The following GNAQ variants were observed in gnomAD, a reference collection of about 807,000 sequenced individuals.
GNAQ encodes the protein G protein subunit alpha q, also known as guanine nucleotide-binding protein G(q) subunit alpha.
In GNAQ, 8 loss-of-function variants were observed where a neutral mutation model predicts 43.9. The ratio of observed to expected loss-of-function variants is 0.18; its 90% CI spans 0.11 to 0.33. The LOEUF is 0.33. Among genes scored for constraint, GNAQ ranks in the 10% least tolerant of loss-of-function variants. The pLI, the probability that GNAQ is intolerant of heterozygous loss-of-function variation, is 1.00. For missense variants in GNAQ, 158 were observed against 450.8 expected (o/e 0.35, Z 5.88); for synonymous variants, 155 against 170.7 (o/e 0.91, Z 0.71).
chr9:77,831,743 T>C (rs1827300903), intron 2 of GNAQ, among the ~76,000 whole-genome samples: 1 of 152,210 alleles, frequency 6.6e-6, no homozygotes, highest in Non-Finnish European at 1.5e-5. Flanking sequence ...AGAGAATACA[T>C]CTTATCTGAT....
intron 1 of GNAQ, among the ~76,000 whole-genome samples, chr9:77,976,388 T>C (rs1823302793): frequency 6.7e-6 from 1 of 148,222 alleles, no homozygotes; most frequent in South Asian, 2.1e-4. Context: ...TGGTTTTTTT[T>C]TGTTTTTGTT....
At chr9:77,946,553 C>G in intron 1 of GNAQ, among the ~76,000 whole-genome samples, 1 of 152,170 alleles carries the variant, frequency 6.6e-6, no homozygotes. Context: ...AAAACCTGGG[C>G]GTATGACCCA....
chr9:77,827,997 T>TTGCAGTGAGCCGAGATCGTGCCAC lies in GNAQ; in HGVS notation c.322-12251_322-12228dup, dbSNP rs1225179787. 4.4e-5 allele frequency among the ~76,000 whole-genome samples: 6 copies of TTGCAGTGAGCCGAGATCGTGCCAC among 134,998 alleles called. No individual in the cohort carries two copies. The East Asian group carries it at 1.4e-3, about 31-fold the overall frequency. The allele number at this position is 134,998 out of a possible 152,430, so 88.6% of individuals were successfully genotyped here. On this transcript the variant is annotated intron_variant, in intron 2 of 6. Coordinates refer to ENST00000286548, the MANE Select transcript of GNAQ (RefSeq NM_002072.5). ...ATGGCGTGAACCCGGGAGGCAGAGC[T>TTGCAGTGAGCCGAGATCGTGCCAC]TGCAGTGAGCCGAGATCGTGCCACT...
At chr9:77,863,179 A>AAGGAAGGAAGGAAGGAAGG (rs1827883795) in intron 2 of GNAQ, among the ~76,000 whole-genome samples, 42 of 130,110 alleles carry the variant, frequency 3.2e-4, no homozygotes, top group Admixed American at 1.2e-3. Context: ...CGTATGAAAG[A>AAGGAAGGAAGGAAGGAAGG]AAGGAAGGAA....
At chr9:77,851,265 T>C (rs557184464) in intron 2 of GNAQ, among the ~76,000 whole-genome samples, 4 of 152,248 alleles carry the variant, frequency 2.6e-5, no homozygotes, top group Admixed American at 2.0e-4. Context: ...CCCCATTTTT[T>C]CCCCTCAGTG....
At chr9:78,003,760 C>A (rs928410304) in intron 1 of GNAQ, among the ~76,000 whole-genome samples, 4 of 150,068 alleles carry the variant, frequency 2.7e-5, no homozygotes, top group African/African-American at 9.8e-5. Flanking sequence ...AGGTTGCAGT[C>A]AGCCTAGATA....
At chr9:77,911,693 C>T (rs17063943) in intron 2 of GNAQ, among the ~76,000 whole-genome samples, 9,601 of 152,092 alleles carry the variant, frequency 0.063, 339 homozygotes, top group African/African-American at 0.08. Context: ...ATGCAAAATC[C>T]GGTGCTGTAG....
intron 5 of GNAQ, among the ~76,000 whole-genome samples, chr9:77,784,592 C>T (rs2118413259): frequency 6.6e-6 from 1 of 152,174 alleles, no homozygotes; most frequent in South Asian, 2.1e-4. Flanking sequence ...AAATGTTATA[C>T]ACTACAATTG....
intron 5 of GNAQ, among the ~76,000 whole-genome samples, chr9:77,755,379 T>C (rs1323525957): frequency 2.0e-5 from 3 of 152,200 alleles, no homozygotes; most frequent in Non-Finnish European, 4.4e-5. Context: ...ATTGGAATCT[T>C]TGAAAATCAT....
chr9:78,002,547 C>T (rs573444885), intron 1 of GNAQ, among the ~76,000 whole-genome samples: 2 of 152,270 alleles, frequency 1.3e-5, no homozygotes, highest in Middle Eastern at 3.4e-3. Context: ...TTGATCTCCG[C>T]GTGGCCTTTT....
intron 5 of GNAQ, among the ~76,000 whole-genome samples, chr9:77,729,889 G>T (rs1293304374): frequency 6.6e-6 from 1 of 152,190 alleles, no homozygotes; most frequent in Non-Finnish European, 1.5e-5. Context: ...ATCACCTGGA[G>T]CTTCCCTTCC....
At chr9:77,827,259 T>C (rs1827212519) in intron 2 of GNAQ, among the ~76,000 whole-genome samples, 1 of 151,524 alleles carries the variant, frequency 6.6e-6, no homozygotes, top group Non-Finnish European at 1.5e-5. Context: ...CGTGAAGACT[T>C]TACCAGACAG....
chr9:77,886,885 G>A (rs1190670602), intron 2 of GNAQ, among the ~76,000 whole-genome samples: 1 of 151,746 alleles, frequency 6.6e-6, no homozygotes, highest in Non-Finnish European at 1.5e-5. Flanking sequence ...CTGAGGCAGG[G>A]GGATCATGAG....
chr9:77,810,401 C>G (rs1298550362), intron 3 of GNAQ, among the ~76,000 whole-genome samples: 1 of 152,184 alleles, frequency 6.6e-6, no homozygotes, highest in Non-Finnish European at 1.5e-5. Flanking sequence ...ATTATTCAGT[C>G]TGAATCCTAG....
intron 2 of GNAQ, among the ~76,000 whole-genome samples, chr9:77,906,089 A>G (rs368592402): frequency 6.6e-6 from 1 of 150,754 alleles, no homozygotes; most frequent in Admixed American, 6.6e-5. Flanking sequence ...CCGGAACTTA[A>G]AGTTAAAAAA....
At chr9:77,935,117 G>A (rs569759095) in intron 1 of GNAQ, among the ~76,000 whole-genome samples, 1 of 152,184 alleles carries the variant, frequency 6.6e-6, no homozygotes, top group South Asian at 2.1e-4. Flanking sequence ...AGAGTGAGAT[G>A]CTGTCTCAAA....
At chr9:77,996,075 C>T (rs1823563780) in intron 1 of GNAQ, among the ~76,000 whole-genome samples, 1 of 150,278 alleles carries the variant, frequency 6.7e-6, no homozygotes, top group Non-Finnish European at 1.5e-5. Flanking sequence ...ATCAGGAACC[C>T]ACACAAAACG....
At chr9:77,816,206 C>T (rs997810678) in intron 2 of GNAQ, among the ~76,000 whole-genome samples, 1 of 152,070 alleles carries the variant, frequency 6.6e-6, no homozygotes, top group Non-Finnish European at 1.5e-5. Flanking sequence ...TATGTCTAAG[C>T]AGAAACTCAA....
At chr9:77,776,292 A>G (rs150146869) in intron 5 of GNAQ, among the ~76,000 whole-genome samples, 53 of 152,376 alleles carry the variant, frequency 3.5e-4, no homozygotes, top group African/African-American at 1.3e-3. Context: ...AGACAGAGAT[A>G]GGCAAAATGA....
Sources: allele counts gnomAD v4.1 joint callset (sites outside exome capture counted in the v4.1 genomes callset), GRCh38; gene constraint gnomAD v4.1.1; transcripts MANE v1.5; gene names NCBI Gene and HGNC (gene_info 2026-07-23, HGNC 2026-07-21).